The following SLC9A7 variants were observed in gnomAD, a reference collection of about 807,000 sequenced individuals.
The protein encoded by SLC9A7 is sodium/hydrogen exchanger 7.
A neutral mutation model predicts 52.6 loss-of-function variants in SLC9A7; 19 were observed. The observed-to-expected ratio is 0.36, with a 90% CI of 0.25 to 0.53. The LOEUF is 0.53. SLC9A7 is among the 20% of genes least tolerant of loss of function. The pLI is 0.91. For synonymous variants in SLC9A7, 226 were observed against 252.1 expected (o/e 0.90, Z 0.98); for missense variants, 455 against 597.9 (o/e 0.76, Z 2.49).
intron 1 of SLC9A7, among the ~76,000 whole-genome samples, chrX:46,736,384 TA>T (rs1006044432): frequency 6.3e-5 from 7 of 111,497 alleles, no homozygotes; most frequent in East Asian, 5.6e-4. Context: ...AATCATAGTT[TA>T]AAAAAAAATT....
chrX:46,688,464 G>C (rs1343559913), intron 1 of SLC9A7, among the ~76,000 whole-genome samples: 2 of 110,477 alleles, frequency 1.8e-5, no homozygotes, highest in African/African-American at 6.6e-5. Context: ...GGACGTTGTG[G>C]CACATGCCTG....
At chrX:46,714,061 A>G (rs1354731420) in intron 1 of SLC9A7, among the ~76,000 whole-genome samples, 2 of 111,425 alleles carry the variant, frequency 1.8e-5, no homozygotes, top group East Asian at 5.6e-4. Flanking sequence ...AGTACATTTT[A>G]GTATGCTAAT....
chrX:46,687,367 T>A (rs1444058283), intron 1 of SLC9A7, among the ~76,000 whole-genome samples: 4 of 111,899 alleles, frequency 3.6e-5, no homozygotes, highest in Non-Finnish European at 5.6e-5. Context: ...TAGGGGTTGT[T>A]ATGAGTTTTA....
At chrX:46,725,220 G>A (rs766976119) in intron 1 of SLC9A7, 14 of 1,011,169 alleles carry the variant, frequency 1.4e-5, no homozygotes, top group Middle Eastern at 3.5e-4. Context: ...CTTGTTTTTC[G>A]TATCAGTGGG....
In SLC9A7 at chrX:46,752,988, A is replaced by G. The variant is rs1267866009; in HGVS notation, c.325+5717T>C. On this transcript the variant is annotated intron_variant, in intron 1 of 16. Transcript: ENST00000616978. ...TAATATTCTAAGAAATGCTTTTAGT[A>G]AATGTCATTTTTCTATTTTTTAAGA... Among the ~76,000 whole-genome samples, 20 of 112,299 alleles carry G rather than the reference A, an allele frequency of 1.8e-4. No individual in the cohort carries two copies. The Admixed American group carries it at 1.9e-3, about 11-fold the overall frequency.
At chrX:46,709,615 A>AC (rs1045128332) in intron 1 of SLC9A7, among the ~76,000 whole-genome samples, 6 of 111,377 alleles carry the variant, frequency 5.4e-5, no homozygotes, top group East Asian at 2.8e-4. Context: ...AACAACAACA[A>AC]AAAAAAACCC....
At chrX:46,661,057 T>C (rs1252891234) in intron 7 of SLC9A7, among the ~76,000 whole-genome samples, 2 of 111,250 alleles carry the variant, frequency 1.8e-5, no homozygotes, top group African/African-American at 6.5e-5. Context: ...AAATGATGAG[T>C]TCATGTCCTT....
intron 7 of SLC9A7, among the ~76,000 whole-genome samples, chrX:46,659,038 C>T: frequency 9.0e-6 from 1 of 110,918 alleles, no homozygotes; most frequent in East Asian, 2.8e-4. Flanking sequence ...ATCAAGTGGG[C>T]TTCATCCCTG....
intron 12 of SLC9A7, among the ~76,000 whole-genome samples, chrX:46,642,960 T>TAATGTCA (rs1246462048): frequency 1.8e-5 from 2 of 112,189 alleles, no homozygotes; most frequent in African/African-American, 6.5e-5. Flanking sequence ...ATTTTTGCTC[T>TAATGTCA]AATGTCACTG....
At chrX:46,738,083 GAA>G (rs1945157684) in intron 1 of SLC9A7, among the ~76,000 whole-genome samples, 1 of 72,357 alleles carries the variant, frequency 1.4e-5, no homozygotes, top group Non-Finnish European at 3.4e-5. Context: ...AAGAAAGAAA[GAA>G]AGAAAGAAAG....
chrX:46,740,469 C>A (rs751793877), intron 1 of SLC9A7, among the ~76,000 whole-genome samples: 3 of 111,173 alleles, frequency 2.7e-5, no homozygotes, highest in East Asian at 2.8e-4. Context: ...TTTAGAAAAA[C>A]CTAAAGATTC....
intron 7 of SLC9A7, among the ~76,000 whole-genome samples, chrX:46,660,640 T>A (rs1943798022): frequency 9.0e-6 from 1 of 110,818 alleles, no homozygotes; most frequent in South Asian, 3.9e-4. Context: ...TCACTGGCCA[T>A]CAGAGAAATG....
intron 1 of SLC9A7, among the ~76,000 whole-genome samples, chrX:46,733,175 C>T (rs1945070270): frequency 9.0e-6 from 1 of 111,594 alleles, no homozygotes; most frequent in South Asian, 3.7e-4. Context: ...ATATGTAGAC[C>T]ATGTAAATGT....
intron 7 of SLC9A7, among the ~76,000 whole-genome samples, chrX:46,661,571 C>T (rs907209591): frequency 9.0e-6 from 1 of 110,746 alleles, no homozygotes; most frequent in African/African-American, 3.3e-5. Flanking sequence ...AAACTGAATA[C>T]TGGGCCATCC....
intron 7 of SLC9A7, among the ~76,000 whole-genome samples, chrX:46,655,842 G>C (rs1157265352): frequency 2.7e-5 from 3 of 112,622 alleles, no homozygotes; most frequent in Non-Finnish European, 5.6e-5. Flanking sequence ...CAAAGCAGCC[G>C]GGAAGCTCGA....
At chrX:46,714,469 C>A (rs1944738979) in intron 1 of SLC9A7, among the ~76,000 whole-genome samples, 1 of 111,436 alleles carries the variant, frequency 9.0e-6, no homozygotes, top group Non-Finnish European at 1.9e-5. Flanking sequence ...TAATGAAGCC[C>A]CTCCCCAAAT....
chrX:46,673,257 AAC>A (rs1449517989), intron 3 of SLC9A7, among the ~76,000 whole-genome samples: 1 of 111,413 alleles, frequency 9.0e-6, no homozygotes, highest in African/African-American at 3.3e-5. Flanking sequence ...TACAAGAAGA[AAC>A]ACATATCAAT....
At chrX:46,661,988 G>A (rs774736009) in intron 7 of SLC9A7, 28 bp downstream of exon 7, 4 of 1,160,679 alleles carry the variant, frequency 3.4e-6, no homozygotes, top group Non-Finnish European at 4.6e-6. Flanking sequence ...GCATACCCAG[G>A]CCCGAGCTGA....
intron 1 of SLC9A7, among the ~76,000 whole-genome samples, chrX:46,734,053 T>C (rs895085555): frequency 2.3e-4 from 26 of 112,193 alleles, no homozygotes; most frequent in Non-Finnish European, 4.3e-4. Flanking sequence ...AATTTCAGGC[T>C]GGATAATTCT....
Sources: allele counts gnomAD v4.1 joint callset (sites outside exome capture counted in the v4.1 genomes callset), GRCh38; gene constraint gnomAD v4.1.1; transcripts MANE v1.5; gene names NCBI Gene and HGNC (gene_info 2026-07-23, HGNC 2026-07-21).